The following GULP1 variants were observed in gnomAD, a reference collection of about 807,000 sequenced individuals.
GULP1 encodes GULP PTB domain containing engulfment adaptor 1, also known as PTB domain-containing engulfment adapter protein 1.
Under a neutral mutation model 40.9 loss-of-function variants are expected in GULP1, and 19 were observed. The observed-to-expected ratio is 0.46, with a 90% confidence interval of 0.32 to 0.68. The LOEUF (loss-of-function observed/expected upper bound fraction) is 0.68, where lower values mean the gene tolerates loss of function less well. Ranked by LOEUF, GULP1 falls within the 30% of genes least tolerant of loss-of-function variation. GULP1 has a pLI of 0.03. For missense variants in GULP1, 312 were observed against 362.2 expected, an observed-to-expected ratio of 0.86 and a Z score of 1.12; for synonymous variants, 119 against 117.6, an observed-to-expected ratio of 1.01 and a Z score of -0.08.
chr2:188,381,329 C>G (rs2048975840), intron 1 of GULP1, among the ~76,000 whole-genome samples: 1 of 152,012 alleles, frequency 6.6e-6, no homozygotes, highest in Admixed American at 6.6e-5. Flanking sequence ...ATAAAATATT[C>G]TAGTTTGAAA....
intron 4 of GULP1, among the ~76,000 whole-genome samples, chr2:188,509,406 T>C (rs2153192997): frequency 6.6e-6 from 1 of 152,268 alleles, no homozygotes; most frequent in South Asian, 2.1e-4. Context: ...AGCAATGCTT[T>C]GCAGAAATAG....
At chr2:188,590,708 A>C (rs1378505430) in intron 11 of GULP1, 1 of 152,216 alleles carries the variant, frequency 6.6e-6, no homozygotes, top group African/African-American at 2.4e-5. Flanking sequence ...TGTCCAGTAC[A>C]TGTCACCAAC....
In GULP1 at chr2:188,594,750, G is replaced by A. The variant is rs1217701054; in HGVS notation, c.*739G>A. ...TTAAATTTCATTCCAAATGAGATAA[G>A]TGATATTACTATAACATCTAAGCAT... is the stretch of plus-strand genomic sequence containing the variant. On this transcript the variant is annotated 3_prime_UTR_variant, in exon 12 of 12. Coordinates refer to ENST00000409830, the MANE Select transcript of GULP1 (RefSeq NM_016315.4). 1 of 151,614 alleles carries A rather than the reference G, an allele frequency of 6.6e-6. No homozygotes were observed. Among genetic ancestry groups the A allele is most frequent in the Non-Finnish European group, 1.5e-5 (1 of 67,710 alleles). 9.4% of individuals were successfully genotyped at this position (151,614 alleles called of 1,614,324 possible).
intron 7 of GULP1, among the ~76,000 whole-genome samples, chr2:188,556,207 G>A (rs543065911): frequency 5.3e-5 from 8 of 152,066 alleles, no homozygotes; most frequent in Admixed American, 2.6e-4. Context: ...CATAAATGTC[G>A]TGAAGGCTTT....
intron 1 of GULP1, among the ~76,000 whole-genome samples, chr2:188,367,619 A>T (rs2046980695): frequency 6.6e-6 from 1 of 152,194 alleles, no homozygotes; most frequent in East Asian, 1.9e-4. Flanking sequence ...TGACAAAAGT[A>T]CATTAAGATT....
intron 4 of GULP1, among the ~76,000 whole-genome samples, chr2:188,499,784 A>C (rs996461396): frequency 1.3e-5 from 2 of 151,962 alleles, no homozygotes; most frequent in Middle Eastern, 6.8e-3. Flanking sequence ...ACCTATTTAC[A>C]TATGTTAAAA....
chr2:188,389,458 T>TA (rs2050221798), intron 2 of GULP1, among the ~76,000 whole-genome samples: 1 of 152,204 alleles, frequency 6.6e-6, no homozygotes, highest in Non-Finnish European at 1.5e-5. Context: ...AATTTAGCCT[T>TA]ACACTTTCCA....
At chr2:188,569,416 A>T (rs1019241875) in intron 8 of GULP1, 61 bp downstream of exon 8, 4 of 865,696 alleles carry the variant, frequency 4.6e-6, no homozygotes, top group Admixed American at 1.7e-5. Context: ...AAACTTGCAT[A>T]TCGTCAAACA....
intron 1 of GULP1, among the ~76,000 whole-genome samples, chr2:188,333,126 C>A (rs1032372413): frequency 1.3e-5 from 2 of 151,652 alleles, no homozygotes; most frequent in Non-Finnish European, 1.5e-5. Flanking sequence ...GTGCCTGCAG[C>A]CCCAGCTATT....
At chr2:188,304,487 G>T (rs1255760242) in intron 1 of GULP1, among the ~76,000 whole-genome samples, 1 of 152,150 alleles carries the variant, frequency 6.6e-6, no homozygotes, top group Non-Finnish European at 1.5e-5. Context: ...AGTATCCACA[G>T]CCAGCAAACA....
intron 6 of GULP1, among the ~76,000 whole-genome samples, chr2:188,539,732 C>T (rs777168161): frequency 3.9e-5 from 6 of 152,082 alleles, no homozygotes; most frequent in Non-Finnish European, 7.4e-5. Flanking sequence ...GGACAGTTCT[C>T]TTAGCATTTA....
In GULP1 at chr2:188,421,394, T is replaced by G. The variant is rs151132153; in HGVS notation, c.-45+37505T>G. ...AATATTTGTGCATTCATGTATGTATTCATAAATATATATGTATAAAACAAA... is the reference window on the plus strand; with the variant it reads ...AATATTTGTGCATTCATGTATGTATGCATAAATATATATGTATAAAACAAA... On this transcript the variant is annotated intron_variant, in intron 2 of 11. Coordinates refer to ENST00000409830, the MANE Select transcript of GULP1 (RefSeq NM_016315.4). Among the ~76,000 whole-genome samples, 661 of 152,268 alleles carry G rather than the reference T, an allele frequency of 4.3e-3. 5 individuals are homozygous for G. The highest frequency in any genetic ancestry group is 0.015 in the African/African-American group (626 of 41,586).
At chr2:188,293,810 G>C (rs564282640) in intron 1 of GULP1, 2 of 152,432 alleles carry the variant, frequency 1.3e-5, no homozygotes, top group South Asian at 4.1e-4. Flanking sequence ...CTGGCCGGCA[G>C]CCAAACTAGA....
chr2:188,572,657 C>G (rs1576209073), intron 9 of GULP1, among the ~76,000 whole-genome samples: 1 of 152,100 alleles, frequency 6.6e-6, no homozygotes, highest in East Asian at 1.9e-4. Context: ...CTCTTAAAAT[C>G]TTATCATATG....
At chr2:188,529,030 A>G (rs765998380) in intron 5 of GULP1, 67 bp from the exon 6 acceptor site, 32 of 775,736 alleles carry the variant, frequency 4.1e-5, no homozygotes, top group Non-Finnish European at 5.6e-5. Context: ...CTCCAAATGT[A>G]TATTTATTTT....
chr2:188,481,239 A>G (rs1238720065), intron 3 of GULP1, among the ~76,000 whole-genome samples: 1 of 151,988 alleles, frequency 6.6e-6, no homozygotes, highest in African/African-American at 2.4e-5. Flanking sequence ...TCATATATCT[A>G]ATACCTTCTA....
At chr2:188,426,756 T>C (rs1353167294) in intron 2 of GULP1, among the ~76,000 whole-genome samples, 1 of 152,202 alleles carries the variant, frequency 6.6e-6, no homozygotes, top group Non-Finnish European at 1.5e-5. Flanking sequence ...AGAAAGTTGG[T>C]ACTGAAGAGT....
At chr2:188,361,846 A>G (rs2046135159) in intron 1 of GULP1, among the ~76,000 whole-genome samples, 1 of 152,122 alleles carries the variant, frequency 6.6e-6, no homozygotes, top group South Asian at 2.1e-4. Flanking sequence ...AATGTATGTC[A>G]TTTATATTCA....
intron 1 of GULP1, among the ~76,000 whole-genome samples, chr2:188,359,279 TG>T (rs1288536927): frequency 2.0e-5 from 3 of 152,168 alleles, no homozygotes; most frequent in Non-Finnish European, 4.4e-5. Flanking sequence ...TACCAACTTT[TG>T]GAGATGTAGT....
Sources: allele counts gnomAD v4.1 joint callset (sites outside exome capture counted in the v4.1 genomes callset), GRCh38; gene constraint gnomAD v4.1.1; transcripts MANE v1.5; gene names NCBI Gene and HGNC (gene_info 2026-07-23, HGNC 2026-07-21).